The following FRAS1 variants were observed in gnomAD, a reference collection of about 807,000 sequenced individuals.
FRAS1 encodes Fraser extracellular matrix complex subunit 1, also known as extracellular matrix organizing protein FRAS1.
FRAS1 carries 290 observed loss-of-function variants against 435.2 expected under a neutral mutation model. The ratio of observed to expected loss-of-function variants is 0.67; its 90% confidence interval spans 0.61 to 0.73. The LOEUF (loss-of-function observed/expected upper bound fraction) is 0.73, where lower values mean the gene tolerates loss of function less well. FRAS1 is among the 30% of genes least tolerant of loss of function. The probability of loss-of-function intolerance (pLI) is 0.00; values close to 1 mark genes in which losing one functional copy is unlikely to be tolerated. For missense variants in FRAS1, 4,860 were observed against 5,001.5 expected, an observed-to-expected ratio of 0.97 and a Z score of 0.85; for synonymous variants, 1,800 against 1,851.0, an observed-to-expected ratio of 0.97 and a Z score of 0.71.
At chr4:78,476,262 A>T (rs1186087909) in intron 54 of FRAS1, among the ~76,000 whole-genome samples, 2 of 152,152 alleles carry the variant, frequency 1.3e-5, no homozygotes, top group Non-Finnish European at 2.9e-5. Flanking sequence ...ATAGATGGGC[A>T]GGCAGTGCAG....
At chr4:78,512,424 A>G (rs1278226690) in intron 64 of FRAS1, among the ~76,000 whole-genome samples, 2 of 152,290 alleles carry the variant, frequency 1.3e-5, no homozygotes, top group Non-Finnish European at 1.5e-5. Flanking sequence ...TTCTGATTCT[A>G]CTTAAAAATG....
At chr4:78,361,555 G>T (rs969969100) in intron 20 of FRAS1, among the ~76,000 whole-genome samples, 1 of 152,166 alleles carries the variant, frequency 6.6e-6, no homozygotes, top group Non-Finnish European at 1.5e-5. Flanking sequence ...TCCTCTGAAG[G>T]GTTCTCATGT....
At chr4:78,264,105 C>T (rs1397980323) in intron 6 of FRAS1, among the ~76,000 whole-genome samples, 2 of 152,232 alleles carry the variant, frequency 1.3e-5, no homozygotes, top group African/African-American at 4.8e-5. Context: ...TAGTTATTGA[C>T]ACTTGGTTTG....
chr4:78,303,076 G>T (rs1179745095), intron 14 of FRAS1, among the ~76,000 whole-genome samples: 1 of 152,068 alleles, frequency 6.6e-6, no homozygotes, highest in Non-Finnish European at 1.5e-5. Flanking sequence ...TTCTACATAT[G>T]GCTAGCCAGT....
At chr4:78,181,724 C>T in intron 2 of FRAS1, 6 of 1,609,696 alleles carry the variant, frequency 3.7e-6, no homozygotes, top group Non-Finnish European at 5.1e-6. Context: ...TCTTCCAACT[C>T]GTCTTATTCC....
intron 2 of FRAS1, among the ~76,000 whole-genome samples, chr4:78,174,619 A>G (rs1033599922): frequency 6.6e-6 from 1 of 152,218 alleles, no homozygotes; most frequent in Non-Finnish European, 1.5e-5. Context: ...TCTAACAATT[A>G]AGATAAGCCA....
At chr4:78,276,930 A>C (rs1173978498) in intron 9 of FRAS1, among the ~76,000 whole-genome samples, 1 of 152,196 alleles carries the variant, frequency 6.6e-6, no homozygotes, top group Non-Finnish European at 1.5e-5. Flanking sequence ...CTACAGAGGT[A>C]GGCAGGCCTC....
chr4:78,496,705 T>C (rs1325220950), intron 59 of FRAS1, 100 bp from the exon 60 acceptor site: 2 of 1,138,762 alleles, frequency 1.8e-6, no homozygotes, highest in Non-Finnish European at 2.6e-6. Flanking sequence ...TGTGTGGACT[T>C]TTTGATGCAA....
At chr4:78,390,843 T>C (rs768064457) in intron 29 of FRAS1, among the ~76,000 whole-genome samples, 3 of 152,242 alleles carry the variant, frequency 2.0e-5, no homozygotes, top group Non-Finnish European at 4.4e-5. Flanking sequence ...ATAGTTTAAA[T>C]GGAATGGCCA....
At position 78,521,766 on chromosome 4, in the gene FRAS1, T is replaced by G; in HGVS notation, c.10648+136T>G. 7.0e-6 allele frequency: 4 copies of G among 572,780 alleles called. No homozygotes were observed. The Admixed American group carries it at 1.4e-4, about 19-fold the overall frequency. 35.5% of individuals were successfully genotyped at this position (572,780 alleles called of 1,614,324 possible). ...TGCTATACATCCATGTGCACATACA[T>G]CCATCCATACATATCTTTTTTTGTC... On this transcript the variant is annotated intron_variant, in intron 68 of 73. Transcript: ENST00000512123.
chr4:78,138,777 T>C (rs1471608805), intron 2 of FRAS1, among the ~76,000 whole-genome samples: 1 of 152,208 alleles, frequency 6.6e-6, no homozygotes, highest in Admixed American at 6.5e-5. Flanking sequence ...CTTAGCACAA[T>C]GCTTGCCTTC....
Position 78,266,977 on chromosome 4 carries a change from G to A in FRAS1, c.789+42G>A, listed in dbSNP as rs754161808. On this transcript the variant is annotated intron_variant, in intron 8 of 73. Transcript: ENST00000512123. ...ACCTTACTTGTTTAAGCTCTTTTCT[G>A]GGTCATTTAAGGAATGCACTTCTTA... The A allele has an allele frequency of 5.0e-6, 7 of 1,395,598 alleles. 1 individual carries two copies. In the South Asian group the frequency reaches 8.8e-5, roughly 18 times the overall value. The allele number at this position is 1,395,598 out of a possible 1,614,324, so 86.5% of individuals were successfully genotyped here.
In FRAS1 at chr4:78,536,970, AATTAAT is replaced by A; in HGVS notation, c.11093-23_11093-18del. The A allele has an allele frequency of 6.3e-7, 1 of 1,588,292 alleles. No homozygotes were observed. On this transcript the variant is annotated intron_variant, in intron 71 of 73. Transcript: ENST00000512123. Reference sequence around the variant, plus strand: ...TTTCTTTCATCTTAAAGTCTGACCTAATTAATACCTTTCAATCTTTTCAGGTCAAAT... The same window carrying A: ...TTTCTTTCATCTTAAAGTCTGACCTAACCTTTCAATCTTTTCAGGTCAAAT...
intron 47 of FRAS1, among the ~76,000 whole-genome samples, chr4:78,461,217 T>G (rs1719360136): frequency 6.6e-6 from 1 of 152,232 alleles, no homozygotes; most frequent in Admixed American, 6.5e-5. Flanking sequence ...GAATGATTTT[T>G]CTTTCCTACT....
intron 2 of FRAS1, among the ~76,000 whole-genome samples, chr4:78,214,138 G>A (rs951532129): frequency 6.6e-6 from 1 of 152,196 alleles, no homozygotes; most frequent in African/African-American, 2.4e-5. Context: ...CAGCAGAGTA[G>A]TAAAAGGGTA....
intron 2 of FRAS1, among the ~76,000 whole-genome samples, chr4:78,096,672 A>G (rs2109909784): frequency 6.6e-6 from 1 of 152,232 alleles, no homozygotes; most frequent in Admixed American, 6.5e-5. Context: ...TGAGCTCTAC[A>G]TTGGCCCCTT....
intron 37 of FRAS1, among the ~76,000 whole-genome samples, chr4:78,431,939 A>C (rs575084199): frequency 3.3e-5 from 5 of 152,252 alleles, no homozygotes; most frequent in Admixed American, 2.6e-4. Context: ...AGTATAATTT[A>C]TTTTCTTAAC....
At chr4:78,308,335 GA>G (rs1728877984) in intron 15 of FRAS1, 126 bp downstream of exon 15, 1 of 995,050 alleles carries the variant, frequency 1.0e-6, no homozygotes, top group Admixed American at 2.7e-5. Flanking sequence ...TAGCTGCTGA[GA>G]TTAATCTTTG....
At chr4:78,276,265 C>A (rs1265651942) in intron 9 of FRAS1, among the ~76,000 whole-genome samples, 1 of 152,198 alleles carries the variant, frequency 6.6e-6, no homozygotes. Context: ...TTTGAACTCC[C>A]TCCTTTAGCT....
Sources: allele counts gnomAD v4.1 joint callset (sites outside exome capture counted in the v4.1 genomes callset), GRCh38; gene constraint gnomAD v4.1.1; transcripts MANE v1.5; gene names NCBI Gene and HGNC (gene_info 2026-07-23, HGNC 2026-07-21).